The following DYNC2H1 variants were observed in gnomAD, a reference collection of about 807,000 sequenced individuals.
The protein encoded by DYNC2H1 is dynein cytoplasmic 2 heavy chain 1.
Under a neutral mutation model 570.0 loss-of-function variants are expected in DYNC2H1, and 410 were observed. That is an observed-to-expected ratio of 0.72 (90% CI 0.66 to 0.78). DYNC2H1 has a LOEUF of 0.78. Ranked by LOEUF, DYNC2H1 falls within the 30% of genes least tolerant of loss-of-function variation. The pLI is 0.00. For missense variants in DYNC2H1, 4,865 were observed against 5,046.4 expected (o/e 0.96, Z 1.09); for synonymous variants, 1,688 against 1,677.6 (o/e 1.01, Z -0.15).
chr11:103,121,390 A>G lies in DYNC2H1; in HGVS notation c.1379A>G (p.Glu460Gly). 6.2e-7 allele frequency: 1 copy of G among 1,608,724 alleles called. No homozygotes were observed. Among genetic ancestry groups the G allele is most frequent in the East Asian group, 2.2e-5 (1 of 44,808 alleles). Residue 460 changes from glutamate (E) to glycine (G), a missense_variant, in exon 10 of 89, where the codon GAG (glutamate) becomes GGG (glycine). Around this residue, in one of 5 missense-constraint regions of DYNC2H1, gnomAD observed 1,936 missense variants for 1,962.1 expected, o/e 0.99. Transcript: ENST00000375735. The part of the protein sequence containing the change: ...DSIKDFRLDF[E>G]NRCRGIPGDA... ...TTTATAGATTTTCGATTAGACTTTG[A>G]GAATCGGTGCCGAGGAATTCCTGGT...
intron 82 of DYNC2H1, among the ~76,000 whole-genome samples, chr11:103,338,798 T>A (rs1380717821): frequency 6.6e-6 from 1 of 152,250 alleles, no homozygotes; most frequent in African/African-American, 2.4e-5. Flanking sequence ...CATGTCTTCA[T>A]CACTCCAGGA....
intron 12 of DYNC2H1, among the ~76,000 whole-genome samples, chr11:103,127,083 A>G (rs1215344878): frequency 1.3e-5 from 2 of 152,214 alleles, no homozygotes; most frequent in African/African-American, 4.8e-5. Flanking sequence ...AAGTAGTAGC[A>G]GGTAAGTCTT....
At chr11:103,183,626 T>C (rs922059032) in intron 40 of DYNC2H1, among the ~76,000 whole-genome samples, 1 of 151,962 alleles carries the variant, frequency 6.6e-6, no homozygotes, top group African/African-American at 2.4e-5. Context: ...TTTGCTTTCT[T>C]CTTTTTTCTC....
intron 6 of DYNC2H1, among the ~76,000 whole-genome samples, chr11:103,119,323 C>T (rs977324471): frequency 3.9e-5 from 6 of 152,030 alleles, no homozygotes; most frequent in Non-Finnish European, 5.9e-5. Context: ...GCCATTTTGA[C>T]ATGACTTCAG....
In DYNC2H1 at chr11:103,177,526, T is replaced by C. The variant is rs1861875008; in HGVS notation, c.5875-30T>C. 1 of 1,575,964 alleles carries C rather than the reference T, an allele frequency of 6.3e-7. No homozygotes were observed. The highest frequency in any genetic ancestry group is 1.4e-5 in the African/African-American group (1 of 72,556). ...ACTAAGTATGATTGAATATTATAAA[T>C]CATATATGAACATATTTCTTTCCTA... On this transcript the variant is annotated intron_variant, in intron 37 of 88. Transcript: ENST00000375735. The surrounding 1 kb of genome is among the most constrained non-coding windows in gnomAD (Gnocchi z 4.4).
intron 80 of DYNC2H1, among the ~76,000 whole-genome samples, chr11:103,317,230 A>G (rs1284613385): frequency 2.0e-5 from 3 of 151,976 alleles, no homozygotes; most frequent in Non-Finnish European, 2.9e-5. Context: ...AAATCTCTCA[A>G]TTCCTGTCTC....
intron 52 of DYNC2H1, among the ~76,000 whole-genome samples, chr11:103,207,485 G>T (rs909299449): frequency 1.1e-4 from 17 of 152,058 alleles, no homozygotes; most frequent in African/African-American, 3.9e-4. Flanking sequence ...ATCCAGGTAG[G>T]TGGGCAGGTA....
chr11:103,259,815 G>A lies in DYNC2H1; in HGVS notation c.10606-73G>A, dbSNP rs1299882039. 3 of 1,024,344 alleles carry A rather than the reference G, an allele frequency of 2.9e-6. No homozygotes were observed. The African/African-American group carries it at 4.9e-5, about 17-fold the overall frequency. 63.5% of individuals were successfully genotyped at this position (1,024,344 alleles called of 1,614,324 possible). On this transcript the variant is annotated intron_variant, in intron 69 of 88. Transcript: ENST00000375735. ...TTGTTTCAGAATCAGCTTTGAATCT[G>A]GAGGAACAATTTATAGGCGTACTTT...
chr11:103,204,289 G>T lies in DYNC2H1; in HGVS notation c.8311+513G>T, dbSNP rs1862837173. Among the ~76,000 whole-genome samples, 1 of 152,052 alleles carries T rather than the reference G, an allele frequency of 6.6e-6. No homozygotes were observed. Among genetic ancestry groups the T allele is most frequent in the East Asian group, 1.9e-4 (1 of 5,190 alleles). ...TATGGGAGCTACAAAATGAGATTTG[G>T]GTAGGGACACAGAGCCAAACCATAT... On this transcript the variant is annotated intron_variant, in intron 51 of 88. Coordinates refer to ENST00000375735, the MANE Select transcript of DYNC2H1 (RefSeq NM_001377.3). The surrounding 1 kb of genome is among the most constrained non-coding windows in gnomAD (Gnocchi z 4.1).
chr11:103,122,666 TTGA>T (rs1565317081), intron 10 of DYNC2H1, among the ~76,000 whole-genome samples, 156 bp from the exon 11 acceptor site: 1 of 152,220 alleles, frequency 6.6e-6, no homozygotes, highest in African/African-American at 2.4e-5. Flanking sequence ...AAAGTAGGGG[TTGA>T]TATTTTTATA....
rs1184721560 is a variant in DYNC2H1 at position 103,186,786 on chromosome 11, A to C, written c.6893+285A>C. On this transcript the variant is annotated intron_variant, in intron 42 of 88. Transcript: ENST00000375735. The surrounding 1 kb of genome is among the most constrained non-coding windows in gnomAD (Gnocchi z 4.5). ...AAAAAAAAAAAAAAGAATGCCTTAT[A>C]TATACTCACACACCATTTGCTTTAG... 1.3e-5 allele frequency among the ~76,000 whole-genome samples: 2 copies of C among 151,032 alleles called. No individual in the cohort carries two copies. The highest frequency in any genetic ancestry group is 3.0e-5 in the Non-Finnish European group (2 of 67,756).
At chr11:103,467,952 A>G (rs1246940931) in intron 87 of DYNC2H1, among the ~76,000 whole-genome samples, 1 of 152,204 alleles carries the variant, frequency 6.6e-6, no homozygotes. Context: ...TACTGACTCT[A>G]CATTTGTTAC....
At chr11:103,125,366 C>CTTTTT (rs71465387) in intron 12 of DYNC2H1, 71 bp downstream of exon 12, 9 of 553,162 alleles carry the variant, frequency 1.6e-5, no homozygotes, top group African/African-American at 7.2e-5. Flanking sequence ...ATGCTAAAGG[C>CTTTTT]TTTTTTTTTT....
intron 85 of DYNC2H1, among the ~76,000 whole-genome samples, chr11:103,436,522 C>T (rs541184537): frequency 7.2e-6 from 1 of 138,616 alleles, no homozygotes; most frequent in Admixed American, 7.4e-5. Flanking sequence ...AACAAGGTAC[C>T]TTTGTGGATT....
intron 40 of DYNC2H1, among the ~76,000 whole-genome samples, chr11:103,182,498 G>A (rs551219779): frequency 8.2e-4 from 124 of 151,926 alleles, no homozygotes; most frequent in African/African-American, 3.0e-3. Context: ...GATTAACAAG[G>A]TAATTCCTTT....
Position 103,163,821 on chromosome 11 carries a change from C to G in DYNC2H1, c.4611+674C>G, listed in dbSNP as rs951171564. Among the ~76,000 whole-genome samples, 1 of 152,054 alleles carries G rather than the reference C, an allele frequency of 6.6e-6. No individual in the cohort carries two copies. Among genetic ancestry groups the G allele is most frequent in the Non-Finnish European group, 1.5e-5 (1 of 68,016 alleles). On this transcript the variant is annotated intron_variant, in intron 30 of 88. Transcript: ENST00000375735. This position sits in a 1 kb window ranked among gnomAD's most constrained non-coding sequence, Gnocchi z 4.6. ...TAGACATTGGGATGTTTCATGATTT[C>G]TTACAGAAAAATCTACCCAGCAGCT...
At chr11:103,346,925 T>A (rs1301973314) in intron 82 of DYNC2H1, among the ~76,000 whole-genome samples, 2 of 152,190 alleles carry the variant, frequency 1.3e-5, no homozygotes, top group Non-Finnish European at 2.9e-5. Context: ...TTGATGGGGG[T>A]GTTTGCAAGA....
chr11:103,283,927 T>C (rs1591521914), intron 73 of DYNC2H1, among the ~76,000 whole-genome samples: 1 of 152,292 alleles, frequency 6.6e-6, no homozygotes, highest in Admixed American at 6.5e-5. Flanking sequence ...GTTGGCATAA[T>C]GCTAGTGACA....
intron 75 of DYNC2H1, among the ~76,000 whole-genome samples, chr11:103,300,846 T>C (rs1361260678): frequency 4.6e-5 from 7 of 152,070 alleles, no homozygotes; most frequent in Non-Finnish European, 8.8e-5. Flanking sequence ...TTTAGCTTTT[T>C]TAGACAGTTT....
Sources: allele counts gnomAD v4.1 joint callset (sites outside exome capture counted in the v4.1 genomes callset), GRCh38; gene constraint gnomAD v4.1.1; regional missense constraint gnomAD v4.1.1; non-coding constraint Gnocchi (gnomAD v3.1); transcripts MANE v1.5; gene names NCBI Gene and HGNC (gene_info 2026-07-23, HGNC 2026-07-21).